The following GMDS variants were observed in gnomAD, a reference collection of about 807,000 sequenced individuals.
The protein encoded by GMDS is GDP-mannose 4,6 dehydratase.
GMDS carries 20 observed loss-of-function variants against 49.9 expected under a neutral mutation model. That is an observed-to-expected ratio of 0.40 (90% CI 0.28 to 0.58). The LOEUF (loss-of-function observed/expected upper bound fraction) is 0.58, where lower values mean the gene tolerates loss of function less well. Ranked by LOEUF, GMDS falls within the 20% of genes least tolerant of loss-of-function variation. GMDS has a pLI of 0.42. For missense variants in GMDS, 362 were observed against 481.4 expected, an observed-to-expected ratio of 0.75 and a Z score of 2.32; for synonymous variants, 177 against 178.6, an observed-to-expected ratio of 0.99 and a Z score of 0.07.
At chr6:2,073,293 T>C (rs1772122984) in intron 4 of GMDS, among the ~76,000 whole-genome samples, 1 of 152,210 alleles carries the variant, frequency 6.6e-6, no homozygotes, top group Non-Finnish European at 1.5e-5. Context: ...ACTTACCAGA[T>C]GCATAAAAAA....
chr6:2,088,366 C>A (rs1773127968), intron 4 of GMDS, among the ~76,000 whole-genome samples: 1 of 152,156 alleles, frequency 6.6e-6, no homozygotes, highest in South Asian at 2.1e-4. Flanking sequence ...TAATAGGAAT[C>A]TGCTTTGCCT....
chr6:1,652,428 A>ATATTT (rs1491170823), intron 9 of GMDS, among the ~76,000 whole-genome samples: 1 of 21,298 alleles, frequency 4.7e-5, no homozygotes, highest in African/African-American at 1.7e-4. Flanking sequence ...ATATATATAT[A>ATATTT]ATATATTATA....
intron 6 of GMDS, among the ~76,000 whole-genome samples, chr6:1,954,691 T>A (rs1228780991): frequency 6.6e-6 from 1 of 152,246 alleles, no homozygotes; most frequent in African/African-American, 2.4e-5. Context: ...ATTATGAGAT[T>A]GCACACGATA....
Position 2,069,491 on chromosome 6 carries a change from T to C in GMDS, c.345+46280A>G, listed in dbSNP as rs537067353. ...CAGAGTGAACAGGCAACCTACAGAA[T>C]GGGAGAAAATTTTCGCAACCTACTC... On this transcript the variant is annotated intron_variant, in intron 4 of 10. Transcript: ENST00000380815. Among the ~76,000 whole-genome samples, 535 of 151,830 alleles carry C rather than the reference T, an allele frequency of 3.5e-3. 3 individuals carry two copies. The highest frequency in any genetic ancestry group is 0.014 in the Middle Eastern group (4 of 294).
intron 4 of GMDS, among the ~76,000 whole-genome samples, chr6:1,990,528 T>C (rs191066523): frequency 8.5e-5 from 13 of 152,318 alleles, no homozygotes; most frequent in Admixed American, 1.3e-4. Context: ...TACTAATACA[T>C]AGTGGAACAT....
At chr6:1,753,191 T>C (rs1438388480) in intron 7 of GMDS, among the ~76,000 whole-genome samples, 2 of 152,064 alleles carry the variant, frequency 1.3e-5, no homozygotes, top group Non-Finnish European at 2.9e-5. Flanking sequence ...TGGAGGAATA[T>C]TTACGAAGCA....
intron 1 of GMDS, among the ~76,000 whole-genome samples, chr6:2,197,105 A>G (rs1410890666): frequency 6.6e-6 from 1 of 152,220 alleles, no homozygotes; most frequent in African/African-American, 2.4e-5. Flanking sequence ...TTATGTGAAG[A>G]ACGAATAAAG....
At chr6:1,703,091 A>G (rs1765599471) in intron 9 of GMDS, among the ~76,000 whole-genome samples, 1 of 152,222 alleles carries the variant, frequency 6.6e-6, no homozygotes, top group African/African-American at 2.4e-5. Flanking sequence ...TTTCTTAAGC[A>G]TAATGAGGAC....
chr6:2,077,988 T>C lies in GMDS; in HGVS notation c.345+37783A>G, dbSNP rs1350732292. Among the ~76,000 whole-genome samples, 4 of 151,998 alleles carry C rather than the reference T, an allele frequency of 2.6e-5. No individual in the cohort carries two copies. The East Asian group carries it at 7.7e-4, about 29-fold the overall frequency. On this transcript the variant is annotated intron_variant, in intron 4 of 10. Coordinates refer to ENST00000380815, the MANE Select transcript of GMDS (RefSeq NM_001500.4). ...GTTATTGGTTTGTTCAGGCTTTCTG[T>C]TTTTTCCAGATTCAAGCTTGGTAGA...
chr6:2,234,272 T>C (rs1311017228), intron 1 of GMDS, among the ~76,000 whole-genome samples: 1 of 152,170 alleles, frequency 6.6e-6, no homozygotes, highest in Non-Finnish European at 1.5e-5. Flanking sequence ...ATTCCTTGTG[T>C]ACAAAAAGCA....
chr6:1,866,059 C>T (rs1561853800), intron 7 of GMDS, among the ~76,000 whole-genome samples: 1 of 152,178 alleles, frequency 6.6e-6, no homozygotes, highest in Non-Finnish European at 1.5e-5. Flanking sequence ...TGGGGCATTT[C>T]TTTGCCCTTT....
intron 7 of GMDS, among the ~76,000 whole-genome samples, chr6:1,859,244 G>A (rs932274503): frequency 3.7e-4 from 57 of 152,262 alleles, no homozygotes; most frequent in African/African-American, 1.3e-3. Context: ...GTGCTACTTC[G>A]GCGCTGCTGA....
intron 4 of GMDS, among the ~76,000 whole-genome samples, chr6:2,051,413 T>G (rs1220644178): frequency 6.6e-6 from 1 of 152,256 alleles, no homozygotes; most frequent in African/African-American, 2.4e-5. Context: ...CACCATATAA[T>G]TTTTCATCTT....
chr6:1,989,372 G>A (rs1765779208), intron 4 of GMDS, among the ~76,000 whole-genome samples: 1 of 152,138 alleles, frequency 6.6e-6, no homozygotes. Context: ...GCTGGTATGT[G>A]GTCAAGGTCA....
chr6:1,954,717 T>C (rs1763537503), intron 6 of GMDS, among the ~76,000 whole-genome samples: 1 of 152,184 alleles, frequency 6.6e-6, no homozygotes, highest in Admixed American at 6.5e-5. Flanking sequence ...AGTCACATCT[T>C]CAGATTCTAC....
chr6:1,741,349 T>C (rs746740045), intron 8 of GMDS, among the ~76,000 whole-genome samples: 7 of 152,296 alleles, frequency 4.6e-5, no homozygotes, highest in Non-Finnish European at 8.8e-5. Context: ...CACCCATCCC[T>C]TCCTCAGCTT....
At chr6:2,054,856 A>C (rs544291918) in intron 4 of GMDS, among the ~76,000 whole-genome samples, 2 of 152,226 alleles carry the variant, frequency 1.3e-5, no homozygotes, top group African/African-American at 4.8e-5. Context: ...GAAGAAAATC[A>C]ATGAAGACTG....
At chr6:1,736,966 A>G (rs1177718677) in intron 8 of GMDS, among the ~76,000 whole-genome samples, 1 of 152,146 alleles carries the variant, frequency 6.6e-6, no homozygotes, top group African/African-American at 2.4e-5. Context: ...CTTCCTTCTC[A>G]GGAGCTGTCT....
chr6:1,956,164 T>A (rs993220519), intron 6 of GMDS, among the ~76,000 whole-genome samples: 9 of 152,130 alleles, frequency 5.9e-5, no homozygotes, highest in African/African-American at 2.2e-4. Flanking sequence ...CAAGTGAAAG[T>A]TTTCTCGAAT....
Sources: allele counts gnomAD v4.1 joint callset (sites outside exome capture counted in the v4.1 genomes callset), GRCh38; gene constraint gnomAD v4.1.1; transcripts MANE v1.5; gene names NCBI Gene and HGNC (gene_info 2026-07-23, HGNC 2026-07-21).